The following RNF10 variants were observed in gnomAD, a reference collection of about 807,000 sequenced individuals.
RNF10 encodes E3 ubiquitin-protein ligase RNF10.
Under a neutral mutation model 91.4 loss-of-function variants are expected in RNF10, and 38 were observed. The ratio of observed to expected loss-of-function variants is 0.42; its 90% CI spans 0.32 to 0.54. The LOEUF is 0.54. RNF10 is among the 20% of genes least tolerant of loss of function. The pLI is 0.16. For synonymous variants in RNF10, 364 were observed against 366.3 expected (o/e 0.99, Z 0.07); for missense variants, 945 against 1,012.0 (o/e 0.93, Z 0.90).
chr12:120,565,292 T>G, intron 11 of RNF10, 103 bp downstream of exon 11: 1 of 1,132,200 alleles, frequency 8.8e-7, no homozygotes, highest in Non-Finnish European at 1.3e-6. Context: ...ATCATGAGTC[T>G]TAGTACCTCC....
intron 1 of RNF10, among the ~76,000 whole-genome samples, chr12:120,544,890 G>A (rs1872084528): frequency 6.6e-6 from 1 of 152,116 alleles, no homozygotes; most frequent in Non-Finnish European, 1.5e-5. Context: ...TACAACAATG[G>A]GGGATTGGTT....
Position 120,534,974 on chromosome 12 carries a change from G to A in RNF10, c.157+6G>A, listed in dbSNP as rs574404871. ...CGAGTCTAAACCCAAGAGCGGTAAG[G>A]ACGGGCCTGCGGCAGTGGGCGGGGG... On this transcript the variant is annotated splice_donor_region_variant and intron_variant, in intron 1 of 16. Transcript: ENST00000325954. 2.0e-5 allele frequency: 32 copies of A among 1,591,946 alleles called. No individual in the cohort carries two copies. In the Admixed American group the frequency reaches 4.8e-4, roughly 24 times the overall value.
chr12:120,569,934 C>T (rs1478093059), intron 13 of RNF10, among the ~76,000 whole-genome samples: 1 of 152,108 alleles, frequency 6.6e-6, no homozygotes, highest in East Asian at 1.9e-4. Flanking sequence ...TCTCTGTCGC[C>T]CGGGCTGGAG....
chr12:120,537,982 C>G (rs1484488136), intron 1 of RNF10, among the ~76,000 whole-genome samples: 1 of 152,190 alleles, frequency 6.6e-6, no homozygotes, highest in Non-Finnish European at 1.5e-5. Flanking sequence ...TACTCAGGAG[C>G]TCTGATGCAG....
Position 120,557,695 on chromosome 12 carries a change from A to G in RNF10, c.967+13A>G, listed in dbSNP as rs765926463. ...ATTCATCTAGGAGGTGAGTTCTTTAAATTTTGGGGACAAATAATCCTGGGT... is the reference window on the plus strand; with the variant it reads ...ATTCATCTAGGAGGTGAGTTCTTTAGATTTTGGGGACAAATAATCCTGGGT... On this transcript the variant is annotated intron_variant, in intron 6 of 16. Coordinates refer to ENST00000325954, the MANE Select transcript of RNF10 (RefSeq NM_014868.5). 6.2e-7 allele frequency: 1 copy of G among 1,613,958 alleles called. No individual in the cohort carries two copies. The highest frequency in any genetic ancestry group is 1.7e-5 in the Admixed American group (1 of 59,992).
At chr12:120,550,817 C>T (rs187397476) in intron 2 of RNF10, among the ~76,000 whole-genome samples, 15 of 151,940 alleles carry the variant, frequency 9.9e-5, no homozygotes, top group Admixed American at 4.6e-4. Context: ...AGGGTGGTCT[C>T]GATCTCCTGA....
Position 120,546,743 on chromosome 12 carries a change from G to T in RNF10, c.354+142G>T, listed in dbSNP as rs1273949782. The T allele has an allele frequency of 9.6e-6, 6 of 628,230 alleles. No homozygotes were observed. The African/African-American group carries it at 1.1e-4, about 12-fold the overall frequency. The allele number at this position is 628,230 out of a possible 1,614,324, so 38.9% of individuals were successfully genotyped here. ...AAAGCAGTCTTGAGTAGGCGAGAGG[G>T]TTAACCAGGTTTGAAACCTTGCCTC... On this transcript the variant is annotated intron_variant, in intron 2 of 16. Transcript: ENST00000325954.
intron 14 of RNF10, chr12:120,575,298 C>T: frequency 3.5e-6 from 1 of 285,620 alleles, no homozygotes; most frequent in Admixed American, 4.9e-5. Flanking sequence ...TTTAGGGGTC[C>T]CAGGAAGGGC....
chr12:120,575,742 G>A (rs752583784), intron 15 of RNF10, 50 bp from the exon 16 acceptor site: 1 of 1,613,886 alleles, frequency 6.2e-7, no homozygotes, highest in Non-Finnish European at 8.5e-7. Context: ...ATAAAAGGCT[G>A]TTTCTAGAAA....
chr12:120,572,243 T>A (rs969308194), intron 14 of RNF10, among the ~76,000 whole-genome samples: 1 of 151,858 alleles, frequency 6.6e-6, no homozygotes, highest in Non-Finnish European at 1.5e-5. Flanking sequence ...ATTTTTTGTA[T>A]TTTTAGTAGA....
chr12:120,573,319 C>T (rs1876938482), intron 14 of RNF10, among the ~76,000 whole-genome samples: 1 of 152,176 alleles, frequency 6.6e-6, no homozygotes, highest in Non-Finnish European at 1.5e-5. Context: ...TCTTTAGTCT[C>T]CTTTGATCTA....
chr12:120,555,844 A>G (rs1873916123), intron 4 of RNF10, among the ~76,000 whole-genome samples: 1 of 150,546 alleles, frequency 6.6e-6, no homozygotes, highest in African/African-American at 2.5e-5. Flanking sequence ...GCTGGAGTGC[A>G]GTGGCGCGAT....
chr12:120,562,462 TG>T (rs1875014233), intron 7 of RNF10, among the ~76,000 whole-genome samples: 1 of 151,732 alleles, frequency 6.6e-6, no homozygotes, highest in African/African-American at 2.4e-5. Context: ...TTAGTAGAGA[TG>T]GGGTTTCTCC....
chr12:120,541,769 T>C (rs536784024), intron 1 of RNF10, among the ~76,000 whole-genome samples: 1 of 150,854 alleles, frequency 6.6e-6, no homozygotes, highest in African/African-American at 2.4e-5. Context: ...GCTCTGTCAC[T>C]TAGGCTGGCA....
At chr12:120,539,319 C>G in intron 1 of RNF10, 1 of 908,238 alleles carries the variant, frequency 1.1e-6, no homozygotes, top group South Asian at 1.4e-5. Context: ...AGATAACTTA[C>G]TGGCATGTGC....
intron 13 of RNF10, among the ~76,000 whole-genome samples, chr12:120,570,779 T>A (rs548796482): frequency 9.2e-5 from 14 of 152,344 alleles, no homozygotes; most frequent in Admixed American, 5.9e-4. Flanking sequence ...GTGTCTACTA[T>A]CGGGAATGTA....
At chr12:120,560,996 T>C in intron 7 of RNF10, 110 bp downstream of exon 7, 1 of 1,122,838 alleles carries the variant, frequency 8.9e-7, no homozygotes. Context: ...TGATGGACGC[T>C]GGGGATTAAG....
rs568321267 is a variant in RNF10 at position 120,547,156 on chromosome 12, TA to T, written c.354+563del. Among the ~76,000 whole-genome samples the T allele has an allele frequency of 5.1e-4, 77 of 151,770 alleles. 1 individual carries two copies. The highest frequency in any genetic ancestry group is 1.4e-3 in the African/African-American group (60 of 41,396). Reference sequence around the variant, plus strand: ...TGCAATTATGATAGAATAAGACAGATAAAAAAAATATAGACTGAGGGAAGTA... The same window carrying T: ...TGCAATTATGATAGAATAAGACAGATAAAAAAATATAGACTGAGGGAAGTA... On this transcript the variant is annotated intron_variant, in intron 2 of 16. Coordinates refer to ENST00000325954, the MANE Select transcript of RNF10 (RefSeq NM_014868.5).
chr12:120,570,474 C>T (rs976954406), intron 13 of RNF10, among the ~76,000 whole-genome samples: 6 of 152,142 alleles, frequency 3.9e-5, no homozygotes, highest in Admixed American at 1.3e-4. Flanking sequence ...CGGGAGCCAC[C>T]GCACCCGGCT....
Sources: gnomAD v4.1 joint callset for allele counts (sites outside exome capture counted in the v4.1 genomes callset) on GRCh38, gnomAD v4.1.1 for gene constraint, MANE v1.5 for transcripts, NCBI Gene and HGNC (gene_info 2026-07-23, HGNC 2026-07-21) for gene names.